The following TTC28 variants were observed in gnomAD, a reference collection of about 807,000 sequenced individuals.
TTC28 encodes the protein tetratricopeptide repeat domain 28, also known as tetratricopeptide repeat protein 28.
Under a neutral mutation model 198.0 loss-of-function variants are expected in TTC28, and 61 were observed. That is an observed-to-expected ratio of 0.31 (90% CI 0.25 to 0.38). TTC28 has a LOEUF of 0.38. TTC28 is among the 10% of genes least tolerant of loss of function. The pLI is 1.00. For synonymous variants in TTC28, 1,171 were observed against 1,297.8 expected (o/e 0.90, Z 2.10); for missense variants, 2,678 against 3,164.0 (o/e 0.85, Z 3.69).
intron 5 of TTC28, among the ~76,000 whole-genome samples, chr22:28,215,141 G>A (rs550646612): frequency 6.6e-6 from 1 of 152,288 alleles, no homozygotes; most frequent in East Asian, 1.9e-4. Flanking sequence ...GTGGGGTTGG[G>A]GGAGGGGAGA....
intron 5 of TTC28, among the ~76,000 whole-genome samples, chr22:28,290,033 A>T (rs1045139963): frequency 5.7e-4 from 85 of 150,330 alleles, no homozygotes; most frequent in Non-Finnish European, 6.1e-4. Flanking sequence ...CAAAAAAAAA[A>T]TTTTTTTTTT....
intron 2 of TTC28, among the ~76,000 whole-genome samples, chr22:28,470,314 T>A (rs896764377): frequency 6.6e-6 from 1 of 152,194 alleles, no homozygotes; most frequent in East Asian, 1.9e-4. Context: ...CACGTTTTCA[T>A]GCAGCTTAGC....
chr22:28,302,679 T>C (rs1291574661), intron 3 of TTC28, among the ~76,000 whole-genome samples: 2 of 152,132 alleles, frequency 1.3e-5, no homozygotes, highest in Admixed American at 1.3e-4. Context: ...TTTTTGTTTT[T>C]TGTTTTTTTA....
intron 1 of TTC28, among the ~76,000 whole-genome samples, chr22:28,656,217 G>T (rs1236560141): frequency 2.6e-5 from 4 of 152,156 alleles, no homozygotes; most frequent in Non-Finnish European, 5.9e-5. Flanking sequence ...TCCCAGGAGA[G>T]GCCCAAGGAG....
chr22:28,190,745 G>A (rs1252757406), intron 5 of TTC28, among the ~76,000 whole-genome samples: 1 of 152,104 alleles, frequency 6.6e-6, no homozygotes, highest in Non-Finnish European at 1.5e-5. Context: ...GCATTTTCAA[G>A]TTCCCCACGG....
intron 5 of TTC28, among the ~76,000 whole-genome samples, chr22:28,175,109 T>C (rs1362462166): frequency 1.3e-5 from 2 of 150,430 alleles, no homozygotes; most frequent in Non-Finnish European, 3.0e-5. Context: ...TATACAAAAA[T>C]CAATTCTAAA....
chr22:28,521,206 C>T (rs1011682781), intron 2 of TTC28, among the ~76,000 whole-genome samples: 8 of 151,392 alleles, frequency 5.3e-5, no homozygotes, highest in African/African-American at 1.5e-4. Flanking sequence ...CAGGACCAAC[C>T]TGCACAACAT....
intron 5 of TTC28, among the ~76,000 whole-genome samples, chr22:28,253,060 T>C (rs1930642386): frequency 6.6e-6 from 1 of 152,160 alleles, no homozygotes; most frequent in African/African-American, 2.4e-5. Context: ...AAACAAAATA[T>C]TATATGAAAA....
chr22:28,099,797 T>C lies in TTC28; in HGVS notation c.3418-753A>G, dbSNP rs552645254. On this transcript the variant is annotated intron_variant, in intron 9 of 22. Coordinates refer to ENST00000397906, the MANE Select transcript of TTC28 (RefSeq NM_001145418.2). ...GCCTCATGGTGAGTAAGGATGGGAG[T>C]GAGAACAGGTATGGTGAAGGCATCC... 4.6e-5 allele frequency among the ~76,000 whole-genome samples: 7 copies of C among 151,896 alleles called. No individual in the cohort carries two copies. The South Asian group carries it at 1.5e-3, about 32-fold the overall frequency.
chr22:28,497,612 TAAG>T (rs1045598219), intron 2 of TTC28, among the ~76,000 whole-genome samples: 2 of 152,142 alleles, frequency 1.3e-5, no homozygotes, highest in African/African-American at 4.8e-5. Flanking sequence ...CAGCCAGAAA[TAAG>T]AAGCACTCAT....
At chr22:28,344,599 T>G (rs990149513) in intron 2 of TTC28, among the ~76,000 whole-genome samples, 1 of 152,194 alleles carries the variant, frequency 6.6e-6, no homozygotes, top group Admixed American at 6.5e-5. Flanking sequence ...GCACTCCATT[T>G]ATGCCCCAAC....
At chr22:28,144,572 TG>T (rs1414019216) in intron 6 of TTC28, among the ~76,000 whole-genome samples, 1 of 152,216 alleles carries the variant, frequency 6.6e-6, no homozygotes, top group Non-Finnish European at 1.5e-5. Context: ...CTAATTGAGA[TG>T]AGTGGAGACA....
At chr22:28,320,532 T>A (rs190635654) in intron 2 of TTC28, among the ~76,000 whole-genome samples, 1 of 152,210 alleles carries the variant, frequency 6.6e-6, no homozygotes, top group South Asian at 2.1e-4. Flanking sequence ...AGTCTTTTCT[T>A]TGGCTTCTTA....
At chr22:28,402,805 G>A (rs542884174) in intron 2 of TTC28, among the ~76,000 whole-genome samples, 1 of 152,198 alleles carries the variant, frequency 6.6e-6, no homozygotes. Context: ...TCAGTAAATG[G>A]TAACTGTTGC....
chr22:28,199,648 G>T lies in TTC28; in HGVS notation c.934-36049C>A, dbSNP rs1006674522. On this transcript the variant is annotated intron_variant, in intron 5 of 22. Coordinates refer to ENST00000397906, the MANE Select transcript of TTC28 (RefSeq NM_001145418.2). ...TTCATAAAACAAGCTCTGGAGGAGGGTTTGTGACAGTGACACTATTAACAT... is the reference window on the plus strand; with the variant it reads ...TTCATAAAACAAGCTCTGGAGGAGGTTTTGTGACAGTGACACTATTAACAT... 5.9e-5 allele frequency among the ~76,000 whole-genome samples: 9 copies of T among 151,478 alleles called. No homozygotes were observed. In the East Asian group the frequency reaches 1.6e-3, roughly 26 times the overall value.
intron 9 of TTC28, among the ~76,000 whole-genome samples, chr22:28,099,478 C>T (rs941882106): frequency 1.3e-5 from 2 of 152,224 alleles, no homozygotes; most frequent in Admixed American, 1.3e-4. Context: ...ACTGTCTACG[C>T]TTCCTCGAGT....
intron 5 of TTC28, among the ~76,000 whole-genome samples, chr22:28,268,036 T>C (rs1931798997): frequency 6.6e-6 from 1 of 152,314 alleles, no homozygotes; most frequent in Non-Finnish European, 1.5e-5. Context: ...AGGCTCTTTA[T>C]TGTCCTATTA....
At chr22:28,575,953 A>G (rs1222081425) in intron 2 of TTC28, among the ~76,000 whole-genome samples, 1 of 152,170 alleles carries the variant, frequency 6.6e-6, no homozygotes, top group South Asian at 2.1e-4. Flanking sequence ...AAAAACAGAT[A>G]ATTTGACTTA....
At chr22:28,054,127 C>G (rs921855125) in intron 12 of TTC28, among the ~76,000 whole-genome samples, 1 of 152,078 alleles carries the variant, frequency 6.6e-6, no homozygotes, top group African/African-American at 2.4e-5. Context: ...AAGTAAGGAG[C>G]CTGGTTTCCT....
Sources: gnomAD v4.1 joint callset for allele counts (sites outside exome capture counted in the v4.1 genomes callset) on GRCh38, gnomAD v4.1.1 for gene constraint, MANE v1.5 for transcripts, NCBI Gene and HGNC (gene_info 2026-07-23, HGNC 2026-07-21) for gene names.